SPATA17: variants seen among roughly 807,000 people sequenced by gnomAD.
SPATA17 encodes the protein spermatogenesis associated 17, also known as spermatogenesis-associated protein 17.
Under a neutral mutation model 62.2 loss-of-function variants are expected in SPATA17, and 53 were observed. That is an observed-to-expected ratio of 0.85 (90% CI 0.68 to 1.07). The LOEUF (loss-of-function observed/expected upper bound fraction) is 1.07, where lower values mean the gene tolerates loss of function less well. SPATA17 is among the 50% of genes least tolerant of loss of function. The pLI, the probability that SPATA17 is intolerant of heterozygous loss-of-function variation, is 0.00. For synonymous variants in SPATA17, 146 were observed against 146.8 expected, an observed-to-expected ratio of 0.99 and a Z score of 0.04; for missense variants, 466 against 425.5, an observed-to-expected ratio of 1.10 and a Z score of -0.84.
At chr1:217,825,742 A>G (rs1018918985) in intron 9 of SPATA17, among the ~76,000 whole-genome samples, 4 of 152,078 alleles carry the variant, frequency 2.6e-5, no homozygotes, top group Admixed American at 6.6e-5. Context: ...GATATAGTCT[A>G]CATTCTTTCT....
intron 6 of SPATA17, among the ~76,000 whole-genome samples, chr1:217,742,949 A>AAT (rs10559433): frequency 0.014 from 2,016 of 146,110 alleles, 35 homozygotes; most frequent in African/African-American, 0.037. Context: ...TCCAAATTAA[A>AAT]ATATATATAT....
chr1:217,742,144 C>T (rs1326241400), intron 6 of SPATA17, 46 bp downstream of exon 6: 4 of 1,603,810 alleles, frequency 2.5e-6, no homozygotes, highest in Middle Eastern at 3.4e-4. Flanking sequence ...ACTTGGGCCC[C>T]TAGCCTGACA....
chr1:217,643,735 A>ATT (rs35299208), intron 1 of SPATA17, among the ~76,000 whole-genome samples: 1 of 141,662 alleles, frequency 7.1e-6, no homozygotes, highest in Admixed American at 7.1e-5. Flanking sequence ...TATATATATA[A>ATT]TTTTTTTTTT....
intron 3 of SPATA17, 151 bp from the exon 4 acceptor site, chr1:217,668,882 T>C (rs1670768924): frequency 2.9e-6 from 2 of 687,590 alleles, no homozygotes; most frequent in African/African-American, 3.7e-5. Flanking sequence ...AGGAAGCCTA[T>C]CTCTTCAATA....
chr1:217,866,280 T>C (rs1376000464), intron 10 of SPATA17, among the ~76,000 whole-genome samples: 1 of 152,192 alleles, frequency 6.6e-6, no homozygotes, highest in Non-Finnish European at 1.5e-5. Flanking sequence ...AAAGGTATCT[T>C]CAGCATCCTT....
intron 9 of SPATA17, among the ~76,000 whole-genome samples, chr1:217,834,646 GTTA>G (rs1275544703): frequency 1.3e-5 from 2 of 152,074 alleles, no homozygotes. Context: ...GTTTTAAGCT[GTTA>G]TTAGAAAAGA....
At chr1:217,773,526 A>T (rs941317237) in intron 6 of SPATA17, among the ~76,000 whole-genome samples, 1 of 152,170 alleles carries the variant, frequency 6.6e-6, no homozygotes, top group African/African-American at 2.4e-5. Flanking sequence ...CAGTTTGTAT[A>T]TTCAAACAAC....
Position 217,865,963 on chromosome 1 carries a change from G to A in SPATA17, c.*3-1059G>A, listed in dbSNP as rs571185599. Among the ~76,000 whole-genome samples, 104 of 152,226 alleles carry A rather than the reference G, an allele frequency of 6.8e-4. 1 individual carries two copies. Among genetic ancestry groups the A allele is most frequent in the African/African-American group, 2.2e-3 (93 of 41,544 alleles). Reference sequence around the variant, plus strand: ...CCTTTTCCATAGGAATTTGGCATATGAACAACTCAGCTAAAACAAATAAAT... The same window carrying A: ...CCTTTTCCATAGGAATTTGGCATATAAACAACTCAGCTAAAACAAATAAAT... On this transcript the variant is annotated intron_variant, in intron 10 of 10. Transcript: ENST00000366933.
intron 8 of SPATA17, among the ~76,000 whole-genome samples, chr1:217,793,847 GGCT>G (rs1205047630): frequency 6.6e-6 from 1 of 152,046 alleles, no homozygotes; most frequent in East Asian, 2.0e-4. Context: ...CGGGTGCGGT[GGCT>G]CACGCCTGTA....
At chr1:217,732,138 TC>T (rs553565687) in intron 5 of SPATA17, among the ~76,000 whole-genome samples, 28 of 151,830 alleles carry the variant, frequency 1.8e-4, no homozygotes, top group Middle Eastern at 3.4e-3. Context: ...TAGTTTCTTA[TC>T]CAACAATAAA....
intron 9 of SPATA17, among the ~76,000 whole-genome samples, chr1:217,816,858 CT>C: frequency 6.6e-6 from 1 of 152,118 alleles, no homozygotes; most frequent in East Asian, 1.9e-4. Context: ...TAAACTCTCT[CT>C]AGTTTATAAA....
intron 8 of SPATA17, among the ~76,000 whole-genome samples, chr1:217,785,996 A>T (rs1673850931): frequency 6.6e-6 from 1 of 152,190 alleles, no homozygotes; most frequent in African/African-American, 2.4e-5. Flanking sequence ...TTATGAAGCC[A>T]GGAAGCCAAA....
intron 5 of SPATA17, chr1:217,739,665 T>G (rs764552882): frequency 1.2e-4 from 19 of 152,140 alleles, no homozygotes; most frequent in Non-Finnish European, 2.2e-4. Context: ...ATCATAATTT[T>G]TATTGCATCC....
At chr1:217,675,904 A>G (rs1026115569) in intron 4 of SPATA17, among the ~76,000 whole-genome samples, 2 of 152,088 alleles carry the variant, frequency 1.3e-5, no homozygotes, top group African/African-American at 2.4e-5. Flanking sequence ...TTTACTTCCA[A>G]TCCTCTTTTT....
At chr1:217,858,938 G>C (rs1436908581) in intron 9 of SPATA17, among the ~76,000 whole-genome samples, 1 of 151,982 alleles carries the variant, frequency 6.6e-6, no homozygotes, top group African/African-American at 2.4e-5. Flanking sequence ...TGAGGCAAGA[G>C]AATCACTGAA....
At chr1:217,651,741 A>G (rs1670319716) in intron 3 of SPATA17, among the ~76,000 whole-genome samples, 1 of 152,234 alleles carries the variant, frequency 6.6e-6, no homozygotes, top group Non-Finnish European at 1.5e-5. Flanking sequence ...ATTTGTGGTT[A>G]TATCGCATGA....
intron 5 of SPATA17, among the ~76,000 whole-genome samples, chr1:217,722,836 T>A (rs1242668709): frequency 2.7e-5 from 4 of 150,178 alleles, no homozygotes; most frequent in Non-Finnish European, 5.9e-5. Flanking sequence ...GTATCGTGAC[T>A]TTTTTTTTTC....
intron 9 of SPATA17, among the ~76,000 whole-genome samples, chr1:217,847,810 G>T (rs1675561810): frequency 2.0e-5 from 3 of 152,072 alleles, no homozygotes; most frequent in Non-Finnish European, 4.4e-5. Context: ...AGGCAGAGGT[G>T]AGCAGATCTC....
chr1:217,795,226 A>C (rs186102102), intron 8 of SPATA17, among the ~76,000 whole-genome samples: 2 of 152,284 alleles, frequency 1.3e-5, no homozygotes, highest in Admixed American at 1.3e-4. Flanking sequence ...TGATGTGACT[A>C]TCAAAGAGGG....
Sources: allele counts gnomAD v4.1 joint callset (sites outside exome capture counted in the v4.1 genomes callset), GRCh38; gene constraint gnomAD v4.1.1; transcripts MANE v1.5; gene names NCBI Gene and HGNC (gene_info 2026-07-23, HGNC 2026-07-21).